The following ZFR variants were observed in gnomAD, a reference collection of about 807,000 sequenced individuals.
ZFR encodes the protein zinc finger RNA-binding protein.
In ZFR, 19 loss-of-function variants were observed where a neutral mutation model predicts 130.7. The ratio of observed to expected loss-of-function variants is 0.15; its 90% CI spans 0.10 to 0.21. ZFR has a LOEUF of 0.21. Among genes scored for constraint, ZFR ranks in the 10% least tolerant of loss-of-function variants. ZFR has a pLI of 1.00. For missense variants in ZFR, 872 were observed against 1,321.5 expected, an observed-to-expected ratio of 0.66 and a Z score of 5.27; for synonymous variants, 466 against 456.9, an observed-to-expected ratio of 1.02 and a Z score of -0.25.
intron 15 of ZFR, 103 bp downstream of exon 15, chr5:32,385,405 T>C: frequency 2.2e-6 from 3 of 1,340,810 alleles, no homozygotes; most frequent in Non-Finnish European, 3.1e-6. Flanking sequence ...CAAATTCACG[T>C]GTAATGCCAG....
chr5:32,388,633 C>A lies in ZFR; in HGVS notation c.2184G>T (p.Met728Ile). The part of the protein sequence containing the change: ...RPDSSDDRYV[M>I]TKHATIYPTE... Reference sequence around the variant, plus strand: ...TTGGATAAATGGTGGCATGTTTTGTCATTACATAACGGTCATCAGATGAGT... The same window carrying A: ...TTGGATAAATGGTGGCATGTTTTGTAATTACATAACGGTCATCAGATGAGT... Residue 728 changes from methionine (M) to isoleucine (I), a missense_variant, in exon 13 of 20, where the codon ATG (methionine) becomes ATT (isoleucine). Transcript: ENST00000265069. 2 of 1,613,908 alleles carry A rather than the reference C, an allele frequency of 1.2e-6. No individual in the cohort carries two copies. Among genetic ancestry groups the A allele is most frequent in the South Asian group, 2.2e-5 (2 of 91,038 alleles).
At chr5:32,427,039 G>C (rs945663716) in intron 2 of ZFR, among the ~76,000 whole-genome samples, 2 of 151,956 alleles carry the variant, frequency 1.3e-5, no homozygotes, top group African/African-American at 4.8e-5. Context: ...CAAAGTTACA[G>C]GATACAAAAA....
intron 2 of ZFR, among the ~76,000 whole-genome samples, chr5:32,441,723 T>C (rs914194599): frequency 1.3e-5 from 2 of 152,250 alleles, no homozygotes; most frequent in Admixed American, 6.5e-5. Context: ...TTAATGTTAT[T>C]CATTCATCTT....
rs544801696 is a variant in ZFR, at chr5:32,432,235, C to G, written c.137+11994G>C. 2.0e-5 allele frequency among the ~76,000 whole-genome samples: 3 copies of G among 152,184 alleles called. No homozygotes were observed. In the South Asian group the frequency reaches 6.2e-4, roughly 32 times the overall value. ...ACAGTGAACTTTGATTGCGCCACTGCAAGTTTGTGCATCAAAGTTGAACAG... is the reference window on the plus strand; with the variant it reads ...ACAGTGAACTTTGATTGCGCCACTGGAAGTTTGTGCATCAAAGTTGAACAG... On this transcript the variant is annotated intron_variant, in intron 2 of 19. Transcript: ENST00000265069.
At position 32,397,157 on chromosome 5, in the gene ZFR, C is replaced by T. The variant is rs1440767055; in HGVS notation, c.1833+62G>A. 4 of 1,540,008 alleles carry T rather than the reference C, an allele frequency of 2.6e-6. No individual in the cohort carries two copies. In the African/African-American group the frequency reaches 5.6e-5, roughly 21 times the overall value. ...GATGCTTTCTTTTACATAAAGAATG[C>T]TCTGGGTGTTTTTGTTTTTGTTTTT... On this transcript the variant is annotated intron_variant, in intron 10 of 19. Transcript: ENST00000265069.
chr5:32,380,306 G>A (rs183542888), intron 15 of ZFR, 134 bp from the exon 16 acceptor site: 1 of 543,262 alleles, frequency 1.8e-6, no homozygotes, highest in Admixed American at 2.9e-5. Context: ...TATCCACGGA[G>A]TTATTTTCAA....
At chr5:32,373,765 T>C (rs1348843837) in intron 17 of ZFR, among the ~76,000 whole-genome samples, 1 of 152,134 alleles carries the variant, frequency 6.6e-6, no homozygotes, top group African/African-American at 2.4e-5. Context: ...GACATTTTGG[T>C]GTTTTTTTTT....
intron 19 of ZFR, among the ~76,000 whole-genome samples, chr5:32,359,205 A>C (rs1752377501): frequency 6.6e-6 from 1 of 152,120 alleles, no homozygotes; most frequent in African/African-American, 2.4e-5. Context: ...TAAAACCAAA[A>C]AACCCCTAAA....
intron 11 of ZFR, 111 bp from the exon 12 acceptor site, chr5:32,390,548 TAA>T: frequency 9.4e-7 from 1 of 1,061,664 alleles, no homozygotes; most frequent in Middle Eastern, 2.3e-4. Flanking sequence ...TCAGCCTAGC[TAA>T]AATTTCTTCC....
chr5:32,420,465 G>A (rs1428975994), intron 2 of ZFR, among the ~76,000 whole-genome samples: 2 of 152,128 alleles, frequency 1.3e-5, no homozygotes. Context: ...TTAGTTACAT[G>A]TGAAGTTCTT....
chr5:32,442,587 C>T (rs569014605), intron 2 of ZFR, among the ~76,000 whole-genome samples: 16 of 152,248 alleles, frequency 1.1e-4, no homozygotes, highest in African/African-American at 3.9e-4. Flanking sequence ...GGAATGCAGG[C>T]CTCATGAAAA....
At chr5:32,443,419 C>T (rs1754515189) in intron 2 of ZFR, among the ~76,000 whole-genome samples, 1 of 152,264 alleles carries the variant, frequency 6.6e-6, no homozygotes, top group Admixed American at 6.5e-5. Context: ...CCACCATTCC[C>T]CGCAGGGGAA....
intron 14 of ZFR, 37 bp from the exon 15 acceptor site, chr5:32,385,686 GT>G (rs1450694197): frequency 6.2e-7 from 1 of 1,606,650 alleles, no homozygotes; most frequent in African/African-American, 1.3e-5. Context: ...AATTGGATCT[GT>G]TGTATTAACA....
At chr5:32,360,151 A>G (rs1267839494) in intron 19 of ZFR, among the ~76,000 whole-genome samples, 1 of 152,200 alleles carries the variant, frequency 6.6e-6, no homozygotes, top group South Asian at 2.1e-4. Flanking sequence ...TAATTCAAGG[A>G]AATTTTACAG....
At chr5:32,395,119 C>T (rs774587494) in intron 11 of ZFR, 40 bp downstream of exon 11, 2 of 1,535,944 alleles carry the variant, frequency 1.3e-6, no homozygotes, top group Admixed American at 4.2e-5. Flanking sequence ...TTAAGAAAGG[C>T]TGAACCACTT....
At chr5:32,418,733 A>T (rs538764099) in intron 3 of ZFR, among the ~76,000 whole-genome samples, 2 of 152,348 alleles carry the variant, frequency 1.3e-5, no homozygotes, top group South Asian at 4.1e-4. Context: ...TTTACATTTC[A>T]ATTTTTTACT....
chr5:32,366,812 G>A (rs1752556939), intron 17 of ZFR, among the ~76,000 whole-genome samples: 1 of 151,460 alleles, frequency 6.6e-6, no homozygotes, highest in African/African-American at 2.4e-5. Context: ...ACTGGAGATG[G>A]AAAAAGCTCC....
intron 19 of ZFR, among the ~76,000 whole-genome samples, chr5:32,359,195 T>A (rs543153214): frequency 1.3e-5 from 2 of 151,950 alleles, no homozygotes; most frequent in East Asian, 3.9e-4. Flanking sequence ...AACAAAAAAA[T>A]AAAACCAAAA....
At chr5:32,429,937 G>T (rs555619724) in intron 2 of ZFR, among the ~76,000 whole-genome samples, 1 of 151,854 alleles carries the variant, frequency 6.6e-6, no homozygotes. Flanking sequence ...AATTAGCCAG[G>T]TATGGTGGGG....
Sources: gnomAD v4.1 joint callset for allele counts (sites outside exome capture counted in the v4.1 genomes callset) on GRCh38, gnomAD v4.1.1 for gene constraint, MANE v1.5 for transcripts, NCBI Gene and HGNC (gene_info 2026-07-23, HGNC 2026-07-21) for gene names.